PLCL2: variants seen among roughly 807,000 people sequenced by gnomAD.
PLCL2 encodes inactive phospholipase C-like protein 2.
PLCL2 carries 4 observed loss-of-function variants against 79.6 expected under a neutral mutation model. The observed-to-expected ratio is 0.05, with a 90% CI of 0.02 to 0.11. The LOEUF (loss-of-function observed/expected upper bound fraction) is 0.11, where lower values mean the gene tolerates loss of function less well. PLCL2 is among the 10% of genes least tolerant of loss of function. The pLI, the probability that PLCL2 is intolerant of heterozygous loss-of-function variation, is 1.00. For missense variants in PLCL2, 895 were observed against 1,291.0 expected (o/e 0.69, Z 4.70); for synonymous variants, 484 against 457.7 (o/e 1.06, Z -0.73).
intron 1 of PLCL2, among the ~76,000 whole-genome samples, chr3:16,934,814 G>A (rs751153987): frequency 2.7e-4 from 41 of 152,300 alleles, no homozygotes; most frequent in Non-Finnish European, 5.1e-4. Flanking sequence ...ATTTTGAGAC[G>A]TGGGCATGGA....
intron 1 of PLCL2, among the ~76,000 whole-genome samples, chr3:16,890,040 C>A (rs77605149): frequency 0.015 from 2,258 of 152,240 alleles, 66 homozygotes; most frequent in African/African-American, 0.051. Flanking sequence ...CAGCAACTCC[C>A]CACTTTACTT....
intron 1 of PLCL2, among the ~76,000 whole-genome samples, chr3:16,988,899 A>G (rs1027829269): frequency 3.3e-5 from 5 of 152,192 alleles, no homozygotes; most frequent in Non-Finnish European, 7.3e-5. Flanking sequence ...GTCCTAGCAT[A>G]CATTATAGCC....
chr3:16,975,146 C>G (rs1023293745), intron 1 of PLCL2, among the ~76,000 whole-genome samples: 1 of 152,020 alleles, frequency 6.6e-6, no homozygotes, highest in African/African-American at 2.4e-5. Context: ...TCTCAAAGAA[C>G]CAAAAAAAGT....
At chr3:16,997,360 G>A (rs2064164109) in intron 1 of PLCL2, among the ~76,000 whole-genome samples, 1 of 152,142 alleles carries the variant, frequency 6.6e-6, no homozygotes, top group Non-Finnish European at 1.5e-5. Context: ...TACCGTAAGA[G>A]TTTAGAGAAG....
intron 3 of PLCL2, among the ~76,000 whole-genome samples, chr3:17,034,544 C>T (rs1452760271): frequency 2.0e-5 from 3 of 152,148 alleles, no homozygotes; most frequent in Non-Finnish European, 2.9e-5. Flanking sequence ...ATTTAATACA[C>T]CACCACTATG....
chr3:17,009,228 G>T lies in PLCL2; in HGVS notation c.328-446G>T, dbSNP rs563462976. Among the ~76,000 whole-genome samples, 1 of 151,356 alleles carries T rather than the reference G, an allele frequency of 6.6e-6. No individual in the cohort carries two copies. The highest frequency in any genetic ancestry group is 2.0e-4 in the East Asian group (1 of 5,118). ...TCAAACTTCTGACCTTGGGTGATCT[G>T]CCCCTTCTTGGCCTCCCAAAGTGCT... is the stretch of plus-strand genomic sequence containing the variant. On this transcript the variant is annotated intron_variant, in intron 1 of 5. Coordinates refer to ENST00000615277, the MANE Select transcript of PLCL2 (RefSeq NM_001144382.2). This position sits in a 1 kb window ranked among gnomAD's most constrained non-coding sequence, Gnocchi z 4.0.
intron 1 of PLCL2, among the ~76,000 whole-genome samples, chr3:16,914,810 G>A (rs1696956672): frequency 6.6e-6 from 1 of 152,026 alleles, no homozygotes; most frequent in Non-Finnish European, 1.5e-5. Context: ...GAACATAGCA[G>A]CCTCAGCCTC....
At chr3:16,907,218 C>G (rs895428695) in intron 1 of PLCL2, among the ~76,000 whole-genome samples, 4 of 152,050 alleles carry the variant, frequency 2.6e-5, no homozygotes, top group African/African-American at 4.8e-5. Context: ...TTTAAACTTT[C>G]CGGTGTTTTT....
intron 1 of PLCL2, among the ~76,000 whole-genome samples, chr3:16,903,284 AT>A (rs11311094): frequency 0.024 from 3,590 of 152,212 alleles, 74 homozygotes; most frequent in African/African-American, 0.053. Flanking sequence ...GAAAAAAATT[AT>A]TTTTTATGCC....
Position 17,011,065 on chromosome 3 carries a change from C to T in PLCL2, c.1719C>T (p.Ser573=). 2 of 1,613,998 alleles carry T rather than the reference C, an allele frequency of 1.2e-6. No individual in the cohort carries two copies. Among genetic ancestry groups the T allele is most frequent in the Non-Finnish European group, 1.7e-6 (2 of 1,180,004 alleles). The change falls in exon 2 of 6, where the codon TCC becomes TCT. Residue 573 remains serine, a synonymous_variant. Transcript: ENST00000615277. This position sits in a 1 kb window ranked among gnomAD's most constrained non-coding sequence, Gnocchi z 7.9. Reference sequence around the variant, plus strand: ...TACTAATTAAAGCAAAGAAGCTGTCCTCAAATTGCTCTGGGGTAGAAGGAG... The same window carrying T: ...TACTAATTAAAGCAAAGAAGCTGTCTTCAAATTGCTCTGGGGTAGAAGGAG... The part of the protein sequence containing the change: ...GKILIKAKKL[S]SNCSGVEGDV...
At chr3:16,950,519 AT>A (rs2063640622) in intron 1 of PLCL2, among the ~76,000 whole-genome samples, 1 of 150,192 alleles carries the variant, frequency 6.7e-6, no homozygotes, top group Non-Finnish European at 1.5e-5. Flanking sequence ...TCATGTAGAG[AT>A]TTTAAAATAC....
chr3:16,966,024 A>G (rs952030856), intron 1 of PLCL2, among the ~76,000 whole-genome samples: 1 of 152,108 alleles, frequency 6.6e-6, no homozygotes, highest in Non-Finnish European at 1.5e-5. Context: ...TCTCCTGCCT[A>G]ATTGCCCTGG....
At chr3:16,910,179 A>G (rs1203936879) in intron 1 of PLCL2, among the ~76,000 whole-genome samples, 2 of 152,186 alleles carry the variant, frequency 1.3e-5, no homozygotes, top group South Asian at 2.1e-4. Flanking sequence ...CCTGCTGGCT[A>G]CTGCACAATT....
chr3:16,954,567 G>T (rs2063685824), intron 1 of PLCL2, among the ~76,000 whole-genome samples: 1 of 152,038 alleles, frequency 6.6e-6, no homozygotes, highest in South Asian at 2.1e-4. Context: ...GGGTCAAATG[G>T]TATTTCTAGT....
At chr3:17,078,764 T>C (rs1481138039) in intron 5 of PLCL2, among the ~76,000 whole-genome samples, 2 of 152,178 alleles carry the variant, frequency 1.3e-5, no homozygotes, top group Admixed American at 6.5e-5. Flanking sequence ...CTGGCATTTG[T>C]TTCCTTTTTG....
At chr3:17,073,229 A>C (rs1368175894) in intron 5 of PLCL2, among the ~76,000 whole-genome samples, 1 of 152,242 alleles carries the variant, frequency 6.6e-6, no homozygotes, top group East Asian at 1.9e-4. Context: ...CCATGGCAAT[A>C]AAGCAAATAT....
chr3:17,021,612 A>G (rs940277922), intron 3 of PLCL2, among the ~76,000 whole-genome samples: 1 of 151,614 alleles, frequency 6.6e-6, no homozygotes, highest in African/African-American at 2.4e-5. Flanking sequence ...ACACACACAC[A>G]CACACACACA....
intron 1 of PLCL2, among the ~76,000 whole-genome samples, chr3:16,954,183 C>T (rs1418839584): frequency 2.0e-5 from 3 of 152,150 alleles, no homozygotes; most frequent in African/African-American, 7.2e-5. Context: ...CCGCTCCCCC[C>T]AGCCCACAAC....
At chr3:16,946,440 T>G (rs1325578293) in intron 1 of PLCL2, among the ~76,000 whole-genome samples, 1 of 152,170 alleles carries the variant, frequency 6.6e-6, no homozygotes, top group Non-Finnish European at 1.5e-5. Flanking sequence ...GTTTTCTGTT[T>G]GGTTTAACTA....
Sources: allele counts gnomAD v4.1 joint callset (sites outside exome capture counted in the v4.1 genomes callset), GRCh38; gene constraint gnomAD v4.1.1; non-coding constraint Gnocchi (gnomAD v3.1); transcripts MANE v1.5; gene names NCBI Gene and HGNC (gene_info 2026-07-23, HGNC 2026-07-21).